ALG12: variants seen among roughly 807,000 people sequenced by gnomAD.
ALG12 encodes the protein ALG12 alpha-1,6-mannosyltransferase.
In ALG12, 36 loss-of-function variants were observed where a neutral mutation model predicts 46.0. The ratio of observed to expected loss-of-function variants is 0.78; its 90% confidence interval spans 0.60 to 1.03. The LOEUF (loss-of-function observed/expected upper bound fraction) is 1.03. Among genes scored for constraint, ALG12 ranks in the 50% least tolerant of loss-of-function variants. ALG12 has a pLI of 0.00. For synonymous variants in ALG12, 326 were observed against 291.6 expected (o/e 1.12, Z -1.20); for missense variants, 599 against 633.5 (o/e 0.95, Z 0.58).
At chr22:49,917,620 A>G (rs559967475) in intron 1 of ALG12, among the ~76,000 whole-genome samples, 1 of 152,216 alleles carries the variant, frequency 6.6e-6, no homozygotes, top group African/African-American at 2.4e-5. Context: ...GTGAGCTGAG[A>G]TCGCGCCACT....
Position 49,902,001 on chromosome 22 carries a change from G to A in ALG12, c.*1837C>T, listed in dbSNP as rs1275286572. 8.2e-6 allele frequency: 1 copy of A among 122,260 alleles called. No homozygotes were observed. Among genetic ancestry groups the A allele is most frequent in the Non-Finnish European group, 1.7e-5 (1 of 58,708 alleles). The allele number at this position is 122,260 out of a possible 1,614,324, so 7.6% of individuals were successfully genotyped here. A position where few individuals can be genotyped will look rare whatever the true frequency, so the allele number is the denominator to read the frequency against. On this transcript the variant is annotated 3_prime_UTR_variant, in exon 10 of 10. Coordinates refer to ENST00000330817, the MANE Select transcript of ALG12 (RefSeq NM_024105.4). ...TGCATGGTGTGTGCACGTGTGCACT[G>A]TGTATGCATGGTAATGTGCACGCGT... is the stretch of plus-strand genomic sequence containing the variant.
the ALG12 span, among the ~76,000 whole-genome samples, chr22:49,871,003 C>T: frequency 2.0e-5 from 3 of 148,412 alleles, no homozygotes; most frequent in South Asian, 2.1e-4. Context: ...TGCAGTGGTG[C>T]AATCTTGGCT....
At chr22:49,914,100 G>A (rs1429080062) in intron 1 of ALG12, among the ~76,000 whole-genome samples, 1 of 152,202 alleles carries the variant, frequency 6.6e-6, no homozygotes, top group African/African-American at 2.4e-5. Context: ...AGAACCCTGA[G>A]TCTGACCAGG....
At chr22:49,915,584 A>G (rs2060604931) in intron 1 of ALG12, among the ~76,000 whole-genome samples, 1 of 152,158 alleles carries the variant, frequency 6.6e-6, no homozygotes, top group South Asian at 2.1e-4. Context: ...TAATAAAAAA[A>G]TTTAAAAAAA....
chr22:49,872,808 G>T, the ALG12 span, among the ~76,000 whole-genome samples: 1 of 151,610 alleles, frequency 6.6e-6, no homozygotes, highest in South Asian at 2.1e-4. Flanking sequence ...AGGTTCAAGC[G>T]AATTCTCCTG....
At chr22:49,878,031 G>A in the ALG12 span, among the ~76,000 whole-genome samples, 3 of 152,088 alleles carry the variant, frequency 2.0e-5, no homozygotes, top group African/African-American at 7.2e-5. Context: ...GAGGCCAGGC[G>A]TGGTGGCTCA....
chr22:49,883,988 G>A, the ALG12 span: 1 of 1,613,168 alleles, frequency 6.2e-7, no homozygotes. Flanking sequence ...CTCCTTTCCA[G>A]CCGGAACATG....
chr22:49,864,117 G>A, the ALG12 span, among the ~76,000 whole-genome samples: 1 of 152,256 alleles, frequency 6.6e-6, no homozygotes, highest in South Asian at 2.1e-4. Context: ...GCTCACTGCT[G>A]TTGGGTTGGC....
rs568166935 is a variant in ALG12 at position 49,902,965 on chromosome 22, T to A, written c.*873A>T. On this transcript the variant is annotated 3_prime_UTR_variant, in exon 10 of 10. Transcript: ENST00000330817. ...GGTGTGTATGCATGGTGTGTGCACG[T>A]GTGCACTGTGTGCATGCGTGTGTGG... is the stretch of plus-strand genomic sequence containing the variant. The A allele has an allele frequency of 3.1e-6, 1 of 321,516 alleles. No individual in the cohort carries two copies. Among genetic ancestry groups the A allele is most frequent in the African/African-American group, 2.2e-5 (1 of 44,866 alleles). The allele number at this position is 321,516 out of a possible 1,614,324, so 19.9% of individuals were successfully genotyped here.
the ALG12 span, among the ~76,000 whole-genome samples, chr22:49,880,293 T>C: frequency 6.6e-6 from 1 of 152,214 alleles, no homozygotes; most frequent in Non-Finnish European, 1.5e-5. Flanking sequence ...TGGCAGTTCT[T>C]TTCCCCTTTG....
the ALG12 span, among the ~76,000 whole-genome samples, chr22:49,860,440 T>C: frequency 6.6e-6 from 1 of 152,270 alleles, no homozygotes; most frequent in Admixed American, 6.5e-5. Flanking sequence ...CAGTAGGTTG[T>C]AGAATTACAA....
chr22:49,886,724 A>C, the ALG12 span: 55 of 1,613,388 alleles, frequency 3.4e-5, no homozygotes, highest in Admixed American at 5.7e-4. The surrounding 1 kb of genome is among the most constrained non-coding windows in gnomAD (Gnocchi z 7.7). Context: ...ACGGAGGAGG[A>C]GGCGGAGCAG....
intron 1 of ALG12, among the ~76,000 whole-genome samples, chr22:49,917,856 T>G (rs2060623051): frequency 8.0e-6 from 1 of 124,682 alleles, no homozygotes; most frequent in African/African-American, 3.4e-5. Flanking sequence ...CAAGCGCCTG[T>G]AGAAATGCAG....
At chr22:49,881,801 G>C in the ALG12 span, among the ~76,000 whole-genome samples, 2 of 152,160 alleles carry the variant, frequency 1.3e-5, no homozygotes, top group African/African-American at 4.8e-5. Context: ...CCAAGTACTA[G>C]GGTTACAGGC....
At position 49,904,031 on chromosome 22, in the gene ALG12, C is replaced by A; in HGVS notation, c.1274G>T (p.Gly425Val). The change falls in exon 10 of 10, where the codon GGC becomes GTC. Residue 425 changes from glycine (G) to valine (V), a missense_variant. By Grantham distance (109) the Gly-to-Val change is moderately radical. Coordinates refer to ENST00000330817, the MANE Select transcript of ALG12 (RefSeq NM_024105.4). ...DKREDVQPGT[G>V]MLAYTHILME... ...GAGGATGTGTGTGTATGCCAGCATG[C>A]CTGTCCCCGGCTGCACATCCTCCCT... The A allele has an allele frequency of 6.2e-7, 1 of 1,614,184 alleles. No homozygotes were observed. Among genetic ancestry groups the A allele is most frequent in the Non-Finnish European group, 8.5e-7 (1 of 1,180,012 alleles).
In ALG12 at chr22:49,902,588, T is replaced by C. The variant is rs1160081095; in HGVS notation, c.*1250A>G. On this transcript the variant is annotated 3_prime_UTR_variant, in exon 10 of 10. Transcript: ENST00000330817. ...ATGTGCACGTGTGCACTGTGTGTGG[T>C]GTGTATGCATGGTGTGTGCACGTGT... is the stretch of plus-strand genomic sequence containing the variant. 7.4e-6 allele frequency: 1 copy of C among 134,964 alleles called. No homozygotes were observed. Among genetic ancestry groups the C allele is most frequent in the Admixed American group, 7.3e-5 (1 of 13,782 alleles). 8.4% of individuals were successfully genotyped at this position (134,964 alleles called of 1,614,324 possible).
rs781076714 is a variant in ALG12 at position 49,910,468 on chromosome 22, C to T, written c.435G>A (p.Thr145=). The T allele has an allele frequency of 1.5e-5, 25 of 1,613,646 alleles. No individual in the cohort carries two copies. Among genetic ancestry groups the T allele is most frequent in the Non-Finnish European group, 2.0e-5 (24 of 1,180,030 alleles). Residue 145 remains threonine (T), a synonymous_variant, in exon 4 of 10, where the codon ACG becomes ACA. Transcript: ENST00000330817. The part of the protein sequence containing the change: ...AMQFHLMFYC[T]RTLPNVLALP... ...GGGCCAGCACATTGGGCAGTGTCCG[C>T]GTGCAGTAGAACATCAGGTGGAACT... is the stretch of plus-strand genomic sequence containing the variant.
intron 3 of ALG12, among the ~76,000 whole-genome samples, chr22:49,912,126 C>T (rs1459033523): frequency 6.9e-6 from 1 of 144,336 alleles, no homozygotes; most frequent in Non-Finnish European, 1.5e-5. Context: ...TCAGCCTGGC[C>T]CCAGGATCAC....
rs2060552425 is a variant in ALG12 at position 49,907,892 on chromosome 22, C to T, written c.821G>A (p.Cys274Tyr). Residue 274 changes from cysteine (C) to tyrosine (Y), a missense_variant, in exon 7 of 10, where the codon TGC becomes TAC. Coordinates refer to ENST00000330817, the MANE Select transcript of ALG12 (RefSeq NM_024105.4). ...FYSALPRGLGCSLLFIPLGLV... is the reference protein window; with the variant it reads ...FYSALPRGLGYSLLFIPLGLV... ...GCCCAGGGGGATGAAGAGCAGGCTG[C>T]AGCCCAGGCCGCGGGGCAGGGCTGA... 3 of 1,613,730 alleles carry T rather than the reference C, an allele frequency of 1.9e-6. No individual in the cohort carries two copies. Among genetic ancestry groups the T allele is most frequent in the East Asian group, 2.2e-5 (1 of 44,874 alleles).
Sources: allele counts gnomAD v4.1 joint callset (sites outside exome capture counted in the v4.1 genomes callset), GRCh38; gene constraint gnomAD v4.1.1; non-coding constraint Gnocchi (gnomAD v3.1); transcripts MANE v1.5; gene names NCBI Gene and HGNC (gene_info 2026-07-23, HGNC 2026-07-21).